The following LRRC4C variants were observed in gnomAD, a reference collection of about 807,000 sequenced individuals.
LRRC4C encodes the protein leucine rich repeat containing 4C.
LRRC4C carries 5 observed loss-of-function variants against 33.6 expected under a neutral mutation model. The observed-to-expected ratio is 0.15, with a 90% CI of 0.08 to 0.31. The LOEUF (loss-of-function observed/expected upper bound fraction) is 0.31. Ranked by LOEUF, LRRC4C falls within the 10% of genes least tolerant of loss-of-function variation. The probability of loss-of-function intolerance (pLI) is 1.00; values close to 1 mark genes in which losing one functional copy is unlikely to be tolerated. For synonymous variants in LRRC4C, 329 were observed against 302.0 expected (o/e 1.09, Z -0.93); for missense variants, 560 against 796.7 (o/e 0.70, Z 3.58).
chr11:41,305,809 T>C (rs2137132901), intron 1 of LRRC4C, among the ~76,000 whole-genome samples: 1 of 129,850 alleles, frequency 7.7e-6, no homozygotes, highest in African/African-American at 2.8e-5. Flanking sequence ...CAGAGACCTT[T>C]GTTCACTTGT....
At chr11:40,916,092 G>T in intron 2 of LRRC4C, among the ~76,000 whole-genome samples, 1 of 152,178 alleles carries the variant, frequency 6.6e-6, no homozygotes, top group East Asian at 1.9e-4. Flanking sequence ...CTTTTACACT[G>T]TTGGTGGGAC....
chr11:40,630,335 CT>C (rs1963354682), intron 3 of LRRC4C, among the ~76,000 whole-genome samples: 1 of 13,250 alleles, frequency 7.5e-5, no homozygotes, highest in Admixed American at 8.8e-4. Context: ...TCTTCCTCTT[CT>C]TCTTCTTCTT....
intron 2 of LRRC4C, among the ~76,000 whole-genome samples, chr11:40,650,113 T>C (rs1942701690): frequency 6.6e-6 from 1 of 152,144 alleles, no homozygotes; most frequent in East Asian, 1.9e-4. Context: ...CCAAAAAAAA[T>C]AGATAATGAA....
intron 5 of LRRC4C, among the ~76,000 whole-genome samples, chr11:40,167,343 G>C (rs1271099878): frequency 1.3e-5 from 2 of 152,158 alleles, no homozygotes; most frequent in South Asian, 4.1e-4. Flanking sequence ...CATTTGCATA[G>C]TCTCAAAATA....
At chr11:41,415,410 TG>T (rs1954640407) in intron 1 of LRRC4C, among the ~76,000 whole-genome samples, 1 of 152,126 alleles carries the variant, frequency 6.6e-6, no homozygotes, top group Non-Finnish European at 1.5e-5. Flanking sequence ...AGCGGTGTAG[TG>T]TTTTGAATTA....
rs1417407852 is a variant in LRRC4C at position 40,961,457 on chromosome 11, C to A, written c.-495-27734G>T. Among the ~76,000 whole-genome samples the A allele has an allele frequency of 4.0e-5, 6 of 151,744 alleles. No homozygotes were observed. The East Asian group carries it at 1.2e-3, about 30-fold the overall frequency. On this transcript the variant is annotated intron_variant, in intron 1 of 6. Coordinates refer to ENST00000528697, the MANE Select transcript of LRRC4C (RefSeq NM_001258419.2). ...CTGAAATAAAAGTATTGCAAACTTC[C>A]CAATATCAGTTCTATGTTTTCCTAC...
At chr11:41,294,248 A>G (rs973493971) in intron 1 of LRRC4C, among the ~76,000 whole-genome samples, 6 of 152,196 alleles carry the variant, frequency 3.9e-5, no homozygotes, top group Non-Finnish European at 7.3e-5. Flanking sequence ...TTTAAGCCTC[A>G]AAAACAAAAA....
chr11:41,336,358 A>T (rs894871615), intron 1 of LRRC4C, among the ~76,000 whole-genome samples: 6 of 151,880 alleles, frequency 4.0e-5, no homozygotes, highest in East Asian at 1.9e-4. Context: ...ATAATTGTTT[A>T]AAAAAAAGTG....
chr11:40,702,363 C>G (rs1945903617), intron 2 of LRRC4C, among the ~76,000 whole-genome samples: 1 of 152,160 alleles, frequency 6.6e-6, no homozygotes, highest in African/African-American at 2.4e-5. Flanking sequence ...TCTTACCAAA[C>G]TTTTAAACCT....
intron 3 of LRRC4C, among the ~76,000 whole-genome samples, chr11:40,431,416 G>T (rs11035836): frequency 7.5e-6 from 1 of 132,808 alleles, no homozygotes. Flanking sequence ...AAAAAAATCA[G>T]ACATTCTTAA....
intron 3 of LRRC4C, among the ~76,000 whole-genome samples, chr11:40,567,703 G>T (rs552852928): frequency 1.3e-5 from 2 of 152,278 alleles, no homozygotes; most frequent in South Asian, 2.1e-4. Context: ...TGATAATAAT[G>T]CTGGGTTAAT....
chr11:40,222,031 ACAAATAGCT>A (rs1864458821), intron 5 of LRRC4C, among the ~76,000 whole-genome samples: 1 of 152,124 alleles, frequency 6.6e-6, no homozygotes, highest in Admixed American at 6.6e-5. Context: ...TTCTGTATAT[ACAAATAGCT>A]TATTTTTTCC....
chr11:41,448,321 T>G (rs1369910755), intron 1 of LRRC4C, among the ~76,000 whole-genome samples: 5 of 148,140 alleles, frequency 3.4e-5, no homozygotes, highest in South Asian at 2.2e-4. Flanking sequence ...TTTTTTTTTT[T>G]TTGAGATGGA....
chr11:41,177,733 T>C (rs1945267646), intron 1 of LRRC4C, among the ~76,000 whole-genome samples: 1 of 152,178 alleles, frequency 6.6e-6, no homozygotes, highest in Non-Finnish European at 1.5e-5. Context: ...CAGTAATGAC[T>C]TCCATTTATA....
At chr11:40,200,487 C>T (rs1862637282) in intron 5 of LRRC4C, among the ~76,000 whole-genome samples, 1 of 151,926 alleles carries the variant, frequency 6.6e-6, no homozygotes, top group African/African-American at 2.4e-5. Flanking sequence ...CTTTCCCCAA[C>T]CTTTCTGTGT....
At chr11:41,344,921 TAG>T (rs1418250155) in intron 1 of LRRC4C, among the ~76,000 whole-genome samples, 1 of 152,238 alleles carries the variant, frequency 6.6e-6, no homozygotes. Flanking sequence ...CTGCCTCTGA[TAG>T]TCGTTGCATT....
rs931622634 is a variant in LRRC4C at position 40,584,485 on chromosome 11, G to A, written c.-270+63657C>T. On this transcript the variant is annotated intron_variant, in intron 3 of 6. Transcript: ENST00000528697. ...CTGTGTTAGGAGGAGGATAAAGCAG[G>A]ATGAAAAATTAGATACAGTTGCCAG... Among the ~76,000 whole-genome samples the A allele has an allele frequency of 1.3e-4, 19 of 151,954 alleles. No homozygotes were observed. In the East Asian group the frequency reaches 3.5e-3, roughly 28 times the overall value.
rs571445627 is a variant in LRRC4C, at chr11:40,373,917, T to A, written c.-269-54196A>T. On this transcript the variant is annotated intron_variant, in intron 3 of 6. Transcript: ENST00000528697. ...ACAGAACCATGAGCCAATTAAACCTTTTATTAAAATAAAATATCCAACCTC... is the reference window on the plus strand; with the variant it reads ...ACAGAACCATGAGCCAATTAAACCTATTATTAAAATAAAATATCCAACCTC... Among the ~76,000 whole-genome samples, 12 of 152,322 alleles carry A rather than the reference T, an allele frequency of 7.9e-5. No individual in the cohort carries two copies. In the South Asian group the frequency reaches 1.2e-3, roughly 16 times the overall value.
intron 1 of LRRC4C, among the ~76,000 whole-genome samples, chr11:41,191,384 T>C (rs1349228396): frequency 6.6e-6 from 1 of 152,168 alleles, no homozygotes; most frequent in Non-Finnish European, 1.5e-5. Context: ...AGAAGAATTA[T>C]TTGCCTGATT....
Sources: gnomAD v4.1 joint callset for allele counts (sites outside exome capture counted in the v4.1 genomes callset) on GRCh38, gnomAD v4.1.1 for gene constraint, MANE v1.5 for transcripts, NCBI Gene and HGNC (gene_info 2026-07-23, HGNC 2026-07-21) for gene names.